The following GPR143 variants were observed in gnomAD, a reference collection of about 807,000 sequenced individuals.
The protein encoded by GPR143 is G protein-coupled receptor 143.
Under a neutral mutation model 27.6 loss-of-function variants are expected in GPR143, and 8 were observed. The ratio of observed to expected loss-of-function variants is 0.29; its 90% CI spans 0.17 to 0.52. GPR143 has a LOEUF of 0.52. GPR143 is among the 20% of genes least tolerant of loss of function. The pLI is 0.96. For missense variants in GPR143, 303 were observed against 343.1 expected (o/e 0.88, Z 0.92); for synonymous variants, 156 against 153.2 (o/e 1.02, Z -0.13).
chrX:9,748,525 A>G (rs1202663285), intron 4 of GPR143, 49 bp downstream of exon 4: 2 of 843,077 alleles, frequency 2.4e-6, no homozygotes, highest in East Asian at 6.2e-5. Context: ...AAGACAACAC[A>G]TTATGAGCCA....
At chrX:9,757,674 A>G (rs548882147) in intron 3 of GPR143, among the ~76,000 whole-genome samples, 1 of 111,522 alleles carries the variant, frequency 9.0e-6, no homozygotes, top group African/African-American at 3.3e-5. Flanking sequence ...GATAACGGTG[A>G]TGGTTATGCA....
At chrX:9,740,053 G>A (rs764944881) in intron 7 of GPR143, among the ~76,000 whole-genome samples, 2 of 110,283 alleles carry the variant, frequency 1.8e-5, no homozygotes, top group Non-Finnish European at 3.8e-5. Flanking sequence ...GAGAAAGTGG[G>A]AGGAGAGGGT....
intron 3 of GPR143, among the ~76,000 whole-genome samples, chrX:9,752,346 G>A (rs1462923440): frequency 8.9e-6 from 1 of 112,170 alleles, no homozygotes; most frequent in Non-Finnish European, 1.9e-5. Context: ...AGGATTACAG[G>A]CATGAGCCAA....
intron 3 of GPR143, among the ~76,000 whole-genome samples, chrX:9,753,296 T>A (rs2083459489): frequency 9.5e-6 from 1 of 105,652 alleles, no homozygotes; most frequent in African/African-American, 3.5e-5. Context: ...AGGTGGAGGT[T>A]GCAGTGAGCC....
chrX:9,736,254 A>C (rs1468663158), intron 8 of GPR143, among the ~76,000 whole-genome samples: 2 of 111,959 alleles, frequency 1.8e-5, no homozygotes, highest in Non-Finnish European at 3.8e-5. Context: ...GGAAATATTA[A>C]AAAATGTGAG....
intron 3 of GPR143, among the ~76,000 whole-genome samples, chrX:9,756,909 T>C (rs151276817): frequency 0.013 from 1,518 of 112,671 alleles, 29 homozygotes; most frequent in African/African-American, 0.047. Flanking sequence ...TGAAAACATA[T>C]GTCCACACAA....
At chrX:9,754,557 C>T (rs2083465441) in intron 3 of GPR143, among the ~76,000 whole-genome samples, 1 of 111,848 alleles carries the variant, frequency 8.9e-6, no homozygotes, top group South Asian at 3.7e-4. Flanking sequence ...AACCCCAATC[C>T]ACAGCAGATC....
chrX:9,730,729 G>T (rs766229900), intron 8 of GPR143, among the ~76,000 whole-genome samples: 52 of 112,107 alleles, frequency 4.6e-4, no homozygotes, highest in African/African-American at 1.6e-3. Flanking sequence ...GAGAAGTCCA[G>T]GCTAACATGA....
Position 9,741,399 on chromosome X carries a change from T to C in GPR143, c.824A>G (p.Asp275Gly), listed in dbSNP as rs374879794. Residue 275 changes from aspartate (D) to glycine (G), a missense_variant, in exon 7 of 9, where the codon GAT becomes GGT. Physicochemically the swap from Asp to Gly is moderately conservative, Grantham distance 94. Coordinates refer to ENST00000467482, the MANE Select transcript of GPR143 (RefSeq NM_000273.3). ...AGGTTTCAAAGAACCTCCATTGATATCTGTTTGCATCTCAAGATAGAATAA... is the reference window on the plus strand; with the variant it reads ...AGGTTTCAAAGAACCTCCATTGATACCTGTTTGCATCTCAAGATAGAATAA... ...SLLFYLEMQT[D>G]INGGSLKPVR... The C allele has an allele frequency of 9.4e-6, 11 of 1,165,642 alleles. No individual in the cohort carries two copies. The African/African-American group carries it at 1.4e-4, about 15-fold the overall frequency.
intron 1 of GPR143, among the ~76,000 whole-genome samples, chrX:9,777,983 C>T (rs756009211): frequency 1.4e-4 from 15 of 110,043 alleles, no homozygotes; most frequent in East Asian, 1.1e-3. Context: ...CCCAGCTACT[C>T]GGGAGGCTGA....
chrX:9,765,856 C>T (rs1014777089), upstream of GPR143: 2 of 1,032,700 alleles, frequency 1.9e-6, no homozygotes, highest in African/African-American at 3.9e-5. Flanking sequence ...GTGCCAGGAC[C>T]CCGCCGGCCT....
chrX:9,748,803 G>A lies in GPR143; in HGVS notation c.456-137C>T, dbSNP rs899303337. 2.9e-5 allele frequency: 14 copies of A among 490,109 alleles called. No individual in the cohort carries two copies. The Admixed American group carries it at 3.5e-4, about 12-fold the overall frequency. The allele number at this position is 490,109 out of a possible 1,213,427, so 40.4% of individuals were successfully genotyped here. On this transcript the variant is annotated intron_variant, in intron 3 of 8. Transcript: ENST00000467482. ...AAGCCCCTCGGCAAAGAGTTTCCTCGTGCTGCTGAGGTTGGTTGGTTGTTT... is the reference window on the plus strand; with the variant it reads ...AAGCCCCTCGGCAAAGAGTTTCCTCATGCTGCTGAGGTTGGTTGGTTGTTT...
intron 1 of GPR143, among the ~76,000 whole-genome samples, chrX:9,771,238 T>A (rs1227928676): frequency 1.8e-5 from 2 of 110,803 alleles, no homozygotes; most frequent in African/African-American, 6.6e-5. Context: ...AAAAAAAAAA[T>A]GTTGTAGAAA....
Position 9,743,621 on chromosome X carries a change from C to T in GPR143, c.711G>A (p.Arg237=). The change falls in exon 6 of 9, where the codon AGG becomes AGA. Residue 237 remains arginine, a synonymous_variant. Coordinates refer to ENST00000467482, the MANE Select transcript of GPR143 (RefSeq NM_000273.3). The stretch of plus-strand genomic sequence containing the variant: ...ATCGGATCTTGATCACGGCTCCCAT[C>T]CTCCTCTCGTTCTCCGTGTAAATGC... ...RQGIYTENER[R]MGAVIKIRFF... 1 of 1,194,802 alleles carries T rather than the reference C, an allele frequency of 8.4e-7. No individual in the cohort carries two copies. Among genetic ancestry groups the T allele is most frequent in the African/African-American group, 1.7e-5 (1 of 57,622 alleles).
chrX:9,733,068 T>C (rs1377922501), intron 8 of GPR143, among the ~76,000 whole-genome samples: 1 of 109,977 alleles, frequency 9.1e-6, no homozygotes, highest in Non-Finnish European at 1.9e-5. Context: ...ATTCTGAAGC[T>C]TTATCGTGGG....
At chrX:9,735,415 C>T (rs111638087) in intron 8 of GPR143, among the ~76,000 whole-genome samples, 1,896 of 111,312 alleles carry the variant, frequency 0.017, 34 homozygotes, top group African/African-American at 0.058. Context: ...TCTTCCTCAT[C>T]TAGATTTTCT....
chrX:9,746,811 A>C (rs1252246093), intron 4 of GPR143, among the ~76,000 whole-genome samples: 3 of 109,081 alleles, frequency 2.8e-5, no homozygotes, highest in Non-Finnish European at 3.8e-5. Flanking sequence ...AATGTAGGAG[A>C]GAAGCAAAAT....
chrX:9,736,137 G>A (rs1479506930), intron 8 of GPR143, among the ~76,000 whole-genome samples: 1 of 110,962 alleles, frequency 9.0e-6, no homozygotes, highest in Non-Finnish European at 1.9e-5. Context: ...ACATTCTGGG[G>A]TGACAGGCAA....
chrX:9,728,281 C>G (rs1045244515), intron 8 of GPR143, among the ~76,000 whole-genome samples: 1 of 109,302 alleles, frequency 9.1e-6, no homozygotes, highest in East Asian at 2.9e-4. Flanking sequence ...TTGACAGCAA[C>G]GGGATGCAGC....
Sources: gnomAD v4.1 joint callset for allele counts (sites outside exome capture counted in the v4.1 genomes callset) on GRCh38, gnomAD v4.1.1 for gene constraint, MANE v1.5 for transcripts, NCBI Gene and HGNC (gene_info 2026-07-23, HGNC 2026-07-21) for gene names.